Variants in TAFA1 observed in about 807,000 individuals in gnomAD.
TAFA1 encodes TAFA chemokine like family member 1.
Under a neutral mutation model 18.5 loss-of-function variants are expected in TAFA1, and 4 were observed. That is an observed-to-expected ratio of 0.22 (90% CI 0.11 to 0.49). The LOEUF is 0.49. TAFA1 is among the 20% of genes least tolerant of loss of function. The pLI is 0.98. For missense variants in TAFA1, 147 were observed against 169.0 expected (o/e 0.87, Z 0.72); for synonymous variants, 56 against 55.2 (o/e 1.01, Z -0.06).
At chr3:68,258,167 A>G (rs1411182198) in intron 2 of TAFA1, among the ~76,000 whole-genome samples, 4 of 152,194 alleles carry the variant, frequency 2.6e-5, no homozygotes, top group Non-Finnish European at 5.9e-5. Flanking sequence ...CTTAGTTTTG[A>G]CAAATGTGCT....
chr3:68,094,064 A>G (rs73834825), intron 2 of TAFA1, among the ~76,000 whole-genome samples: 6,019 of 152,208 alleles, frequency 0.04, 182 homozygotes, highest in East Asian at 0.1. Context: ...GGATTTTGTT[A>G]TTGTAGATGA....
chr3:68,073,513 G>C (rs2064782973), intron 2 of TAFA1, among the ~76,000 whole-genome samples: 1 of 152,100 alleles, frequency 6.6e-6, no homozygotes. Flanking sequence ...AATAAATATA[G>C]CACTATGAGG....
intron 2 of TAFA1, among the ~76,000 whole-genome samples, chr3:68,176,592 T>TA (rs1172865660): frequency 3.3e-5 from 5 of 152,250 alleles, no homozygotes; most frequent in African/African-American, 4.8e-5. Context: ...GAAGTGCTAT[T>TA]ACCATTTTGA....
intron 3 of TAFA1, among the ~76,000 whole-genome samples, chr3:68,478,510 GA>G (rs2072148246): frequency 1.3e-5 from 2 of 152,182 alleles, no homozygotes; most frequent in Admixed American, 1.3e-4. Context: ...CCTTCCATAA[GA>G]AGCTAAAAGT....
intron 2 of TAFA1, among the ~76,000 whole-genome samples, chr3:68,134,583 T>C (rs558426163): frequency 6.6e-6 from 1 of 152,276 alleles, no homozygotes; most frequent in African/African-American, 2.4e-5. Flanking sequence ...CATTTTCTTA[T>C]AGTTAGAATA....
intron 2 of TAFA1, among the ~76,000 whole-genome samples, chr3:68,277,830 A>T (rs1270286255): frequency 6.6e-6 from 1 of 152,164 alleles, no homozygotes; most frequent in African/African-American, 2.4e-5. Flanking sequence ...GATGATAGAC[A>T]TTTTCCTCTA....
At chr3:68,176,167 T>C (rs1292793898) in intron 2 of TAFA1, among the ~76,000 whole-genome samples, 2 of 152,148 alleles carry the variant, frequency 1.3e-5, no homozygotes, top group Non-Finnish European at 2.9e-5. Context: ...AGCATGAAAA[T>C]GGACTAATAC....
intron 2 of TAFA1, among the ~76,000 whole-genome samples, chr3:68,284,578 G>A (rs1303269260): frequency 6.6e-6 from 1 of 152,080 alleles, no homozygotes; most frequent in Non-Finnish European, 1.5e-5. Flanking sequence ...CCATCAATAG[G>A]AGAATGGGTA....
At chr3:68,324,891 G>C (rs1398778396) in intron 2 of TAFA1, among the ~76,000 whole-genome samples, 1 of 152,160 alleles carries the variant, frequency 6.6e-6, no homozygotes, top group Admixed American at 6.5e-5. Context: ...TTGTAGTTTG[G>C]CTCATGTCTG....
intron 2 of TAFA1, among the ~76,000 whole-genome samples, chr3:68,312,938 T>C (rs984540736): frequency 6.6e-5 from 10 of 152,212 alleles, no homozygotes; most frequent in Admixed American, 5.2e-4. Flanking sequence ...GCCTCACAAT[T>C]ATGGTGGAAG....
intron 2 of TAFA1, among the ~76,000 whole-genome samples, chr3:68,024,475 A>C (rs934419245): frequency 6.6e-5 from 10 of 152,138 alleles, no homozygotes; most frequent in African/African-American, 2.2e-4. Context: ...TGTGTTAGGG[A>C]AAGTTAGGCT....
chr3:68,324,327 C>T (rs879446150), intron 2 of TAFA1, among the ~76,000 whole-genome samples: 6 of 151,986 alleles, frequency 3.9e-5, no homozygotes, highest in Non-Finnish European at 8.8e-5. Flanking sequence ...ATGTTAGATG[C>T]TAATTTTAAA....
intron 3 of TAFA1, among the ~76,000 whole-genome samples, chr3:68,462,574 C>T (rs1282183870): frequency 6.6e-6 from 1 of 152,134 alleles, no homozygotes; most frequent in Non-Finnish European, 1.5e-5. Flanking sequence ...TGAGAAAAGA[C>T]TAATATAGTA....
chr3:67,998,433 G>T, the TAFA1 span, among the ~76,000 whole-genome samples: 2 of 151,960 alleles, frequency 1.3e-5, no homozygotes, highest in Admixed American at 1.3e-4. Context: ...CTCTTTTGGG[G>T]GATGCTCTCC....
intron 3 of TAFA1, among the ~76,000 whole-genome samples, chr3:68,490,707 G>T (rs1434844860): frequency 2.0e-5 from 3 of 151,996 alleles, no homozygotes; most frequent in Non-Finnish European, 4.4e-5. Context: ...ACATTAACAT[G>T]TGAGGTTTAT....
At chr3:68,318,040 G>A (rs919559603) in intron 2 of TAFA1, among the ~76,000 whole-genome samples, 2 of 152,068 alleles carry the variant, frequency 1.3e-5, no homozygotes, top group Non-Finnish European at 2.9e-5. Context: ...GCCAGCTGGG[G>A]ACAGGGCAGC....
chr3:68,120,221 C>A (rs1334285396), intron 2 of TAFA1, among the ~76,000 whole-genome samples: 7 of 125,968 alleles, frequency 5.6e-5, no homozygotes, highest in African/African-American at 1.9e-4. Flanking sequence ...TTCTTTCTTT[C>A]TTTCTTTCTT....
Position 68,159,711 on chromosome 3 carries a change from C to A in TAFA1, c.118+152967C>A, listed in dbSNP as rs73834863. 8.3e-3 allele frequency among the ~76,000 whole-genome samples: 1,266 copies of A among 152,130 alleles called. 12 individuals are homozygous for A. Among genetic ancestry groups the A allele is most frequent in the African/African-American group, 0.027 (1,124 of 41,498 alleles). On this transcript the variant is annotated intron_variant, in intron 2 of 4. Coordinates refer to ENST00000478136, the MANE Select transcript of TAFA1 (RefSeq NM_213609.4). ...AGTTGACTTACAACCTAAAGTATGC[C>A]CACTACAAACTTTCTCCCACCTGGA...
At chr3:68,056,407 G>A (rs1199734475) in intron 2 of TAFA1, among the ~76,000 whole-genome samples, 1 of 152,116 alleles carries the variant, frequency 6.6e-6, no homozygotes, top group Non-Finnish European at 1.5e-5. Flanking sequence ...CAAGTCCCAT[G>A]TCCCAGGAAC....
Sources: gnomAD v4.1 joint callset for allele counts (sites outside exome capture counted in the v4.1 genomes callset) on GRCh38, gnomAD v4.1.1 for gene constraint, MANE v1.5 for transcripts, NCBI Gene and HGNC (gene_info 2026-07-23, HGNC 2026-07-21) for gene names.